MUC22: variants seen among roughly 807,000 people sequenced by gnomAD.
MUC22 encodes the protein mucin 22.
Under a neutral mutation model 40.3 loss-of-function variants are expected in MUC22, and 24 were observed. The ratio of observed to expected loss-of-function variants is 0.60; its 90% CI spans 0.43 to 0.84. The LOEUF (loss-of-function observed/expected upper bound fraction) is 0.84, where lower values mean the gene tolerates loss of function less well. MUC22 is among the 40% of genes least tolerant of loss of function. The pLI is 0.00. For missense variants in MUC22, 1,926 were observed against 2,130.7 expected, an observed-to-expected ratio of 0.90 and a Z score of 1.89; for synonymous variants, 765 against 844.5, an observed-to-expected ratio of 0.91 and a Z score of 1.63.
intron 1 of MUC22, among the ~76,000 whole-genome samples, chr6:31,021,351 G>T (rs1348714275): frequency 6.6e-6 from 1 of 151,442 alleles, no homozygotes; most frequent in Non-Finnish European, 1.5e-5. Context: ...CTCAGGGATT[G>T]TAAATACACC....
chr6:31,032,110 A>T lies in MUC22; in HGVS notation c.4670-86A>T. The T allele has an allele frequency of 2.1e-6, 3 of 1,404,786 alleles. No individual in the cohort carries two copies. The highest frequency in any genetic ancestry group is 2.8e-6 in the Non-Finnish European group (3 of 1,062,410). The allele number at this position is 1,404,786 out of a possible 1,614,324, so 87.0% of individuals were successfully genotyped here. A position where few individuals can be genotyped will look rare whatever the true frequency, so the allele number is the denominator to read the frequency against. ...GCCACCTCCACCATAGGTTTGTTAG[A>T]TTCACCCTCCTCTGGTCTAAGCACC... On this transcript the variant is annotated intron_variant, in intron 2 of 3. Coordinates refer to ENST00000561890, the Ensembl canonical transcript of MUC22. The surrounding 1 kb of genome is among the most constrained non-coding windows in gnomAD (Gnocchi z 4.1).
rs1765618944 is a variant in MUC22, at chr6:31,028,177, A to G, written c.2746A>G (p.Thr916Ala). Residue 916 changes from threonine (T) to alanine (A), a missense_variant, in exon 2 of 4, where the codon ACC becomes GCC. Physicochemically the swap from Thr to Ala is moderately conservative, Grantham distance 58 (BLOSUM62 0). Coordinates refer to ENST00000561890, the Ensembl canonical transcript of MUC22. Reference sequence around the variant, plus strand: ...GGTCTCTACCACAGGCTCTGAGAGGACCATCACCTCTACTGAAGGCTCTGA... The same window carrying G: ...GGTCTCTACCACAGGCTCTGAGAGGGCCATCACCTCTACTGAAGGCTCTGA... 6.5e-6 allele frequency: 10 copies of G among 1,534,344 alleles called. No individual in the cohort carries two copies. Among genetic ancestry groups the G allele is most frequent in the African/African-American group, 1.4e-5 (1 of 72,538 alleles).
chr6:31,017,084 G>T (rs887181029), intron 1 of MUC22, among the ~76,000 whole-genome samples: 2 of 152,206 alleles, frequency 1.3e-5, no homozygotes, highest in Non-Finnish European at 2.9e-5. Flanking sequence ...CCTCCCCCAC[G>T]CCGCCATGGG....
chr6:31,026,189 TGAG>T (rs1765303874), exon 2 of MUC22: 3 of 1,521,608 alleles, frequency 2.0e-6, no homozygotes, highest in Admixed American at 4.0e-5. Flanking sequence ...GCATCCAGCA[TGAG>T]CTCTGAGACC....
At chr6:31,025,932 G>A (rs1246055734) in exon 2 of MUC22, 2 of 1,528,792 alleles carry the variant, frequency 1.3e-6, no homozygotes, top group African/African-American at 2.8e-5. Flanking sequence ...AGAAAACGAT[G>A]GCCTCCTCCA....
chr6:31,017,362 AATCAGCACCCTGT>A (rs1764299689), intron 1 of MUC22, among the ~76,000 whole-genome samples: 1 of 152,202 alleles, frequency 6.6e-6, no homozygotes, highest in Non-Finnish European at 1.5e-5. Context: ...CAAATGCACC[AATCAGCACCCTGT>A]GTCTAGCTAA....
chr6:31,034,944 C>A, exon 4 of MUC22: 1 of 1,533,234 alleles, frequency 6.5e-7, no homozygotes, highest in Non-Finnish European at 8.7e-7. Flanking sequence ...ACTGAGGACA[C>A]CATGGAGTGG....
intron 3 of MUC22, among the ~76,000 whole-genome samples, chr6:31,033,164 C>T (rs545098579): frequency 1.4e-4 from 20 of 143,816 alleles, no homozygotes; most frequent in East Asian, 1.2e-3. Context: ...GATCCTGTCT[C>T]GAAAGGAAGG....
At position 31,024,518 on chromosome 6, in the gene MUC22, A is replaced by G. The variant is rs57545516; in HGVS notation, c.71-984A>G. ...TGTTATTCCAGTGGGTCTTCATTGTATTTGAGATGAAATTTAACCTTTCTA... is the reference window on the plus strand; with the variant it reads ...TGTTATTCCAGTGGGTCTTCATTGTGTTTGAGATGAAATTTAACCTTTCTA... On this transcript the variant is annotated intron_variant, in intron 1 of 3. Coordinates refer to ENST00000561890, the Ensembl canonical transcript of MUC22. 7.6e-3 allele frequency among the ~76,000 whole-genome samples: 1,163 copies of G among 152,236 alleles called. 13 individuals are homozygous for G. The highest frequency in any genetic ancestry group is 0.026 in the African/African-American group (1,080 of 41,544).
upstream of MUC22, chr6:31,006,181 T>C (rs1017712373): frequency 1.1e-5 from 4 of 359,756 alleles, no homozygotes; most frequent in Non-Finnish European, 2.2e-5. Context: ...AGACGTATCA[T>C]AAGAGAAGCA....
intron 1 of MUC22, among the ~76,000 whole-genome samples, chr6:31,013,148 A>G (rs1415118699): frequency 3.7e-5 from 4 of 109,462 alleles, no homozygotes; most frequent in African/African-American, 1.3e-4. Flanking sequence ...TTTTTTGGAG[A>G]TGGAGTGTGG....
intron 1 of MUC22, among the ~76,000 whole-genome samples, chr6:31,023,828 G>T (rs1041609531): frequency 2.0e-5 from 3 of 152,092 alleles, no homozygotes; most frequent in Non-Finnish European, 4.4e-5. Context: ...ATAGGCTTAA[G>T]AAGAGGTATA....
chr6:31,026,222 GCT>G lies in MUC22; in HGVS notation c.794_795del (p.Ser265Ter), dbSNP rs1765309371. 2 of 1,529,226 alleles carry G rather than the reference GCT, an allele frequency of 1.3e-6. No individual in the cohort carries two copies. The highest frequency in any genetic ancestry group is 8.8e-7 in the Non-Finnish European group (1 of 1,142,766). The allele number at this position is 1,529,226 out of a possible 1,614,324, so 94.7% of individuals were successfully genotyped here. On this transcript the variant is annotated frameshift_variant, in exon 2 of 4. Transcript: ENST00000561890. LOFTEE classifies it high-confidence loss of function. ...GAGACCACTGTGGCCCCCGCTGCAG[GCT>G]CTAACACCACCACAGCCTCTACCAC...
rs1765596224 is a variant in MUC22 at position 31,028,019 on chromosome 6, C to T, written c.2588C>T (p.Ser863Phe). The change falls in exon 2 of 4, where the codon TCT becomes TTT. Residue 863 changes from serine (S) to phenylalanine (F), a missense_variant. Coordinates refer to ENST00000561890, the Ensembl canonical transcript of MUC22. ...AACACCACAGCATCTACTGCAGATT[C>T]TGAGACCACCTCAGCCTCTACTACA... 1 of 1,533,196 alleles carries T rather than the reference C, an allele frequency of 6.5e-7. No individual in the cohort carries two copies. 95.0% of individuals were successfully genotyped at this position (1,533,196 alleles called of 1,614,324 possible).
At chr6:31,025,643 C>T (rs1373394654) in exon 2 of MUC22, 1 of 1,533,378 alleles carries the variant, frequency 6.5e-7, no homozygotes, top group Non-Finnish European at 8.7e-7. Flanking sequence ...GACTCTACCA[C>T]AGGCTCTGAG....
At chr6:31,006,419 C>T (rs1763525205), upstream of MUC22, among the ~76,000 whole-genome samples, 1 of 152,072 alleles carries the variant, frequency 6.6e-6, no homozygotes, top group Non-Finnish European at 1.5e-5. Context: ...CCAGGGGTTA[C>T]GAGGGTGGGG....
Position 31,016,659 on chromosome 6 carries a change from G to A in MUC22, c.70+5883G>A, listed in dbSNP as rs60138183. Among the ~76,000 whole-genome samples the A allele has an allele frequency of 2.3e-3, 355 of 152,354 alleles. 1 individual carries two copies. The highest frequency in any genetic ancestry group is 7.6e-3 in the African/African-American group (317 of 41,592). The stretch of plus-strand genomic sequence containing the variant: ...GTGCTGGCAGCCCTCGCTCAGTCTC[G>A]GAGCCTCCTCGGCCTCGCCACCCAT... On this transcript the variant is annotated intron_variant, in intron 1 of 3. Transcript: ENST00000561890.
chr6:31,020,706 G>A (rs1057223854), intron 1 of MUC22, among the ~76,000 whole-genome samples: 4 of 152,182 alleles, frequency 2.6e-5, no homozygotes, highest in Non-Finnish European at 5.9e-5. Flanking sequence ...CCCTCAGCTT[G>A]CAGGGAGGTG....
exon 2 of MUC22, chr6:31,029,561 C>T: frequency 2.0e-6 from 3 of 1,529,288 alleles, no homozygotes; most frequent in Non-Finnish European, 2.6e-6. Context: ...GAGGCCACTA[C>T]AGTTTCTACC....
Sources: gnomAD v4.1 joint callset for allele counts (sites outside exome capture counted in the v4.1 genomes callset) on GRCh38, gnomAD v4.1.1 for gene constraint, Gnocchi (gnomAD v3.1) non-coding constraint, MANE v1.5 for transcripts, NCBI Gene and HGNC (gene_info 2026-07-23, HGNC 2026-07-21) for gene names.